Variants in PLCG2 observed in about 807,000 individuals in gnomAD.
PLCG2 encodes the protein 1-phosphatidylinositol 4,5-bisphosphate phosphodiesterase gamma-2.
A neutral mutation model predicts 175.6 loss-of-function variants in PLCG2; 69 were observed. That is an observed-to-expected ratio of 0.39 (90% CI 0.32 to 0.48). PLCG2 has a LOEUF of 0.48. Among genes scored for constraint, PLCG2 ranks in the 20% least tolerant of loss-of-function variants. The probability of loss-of-function intolerance (pLI) is 0.91; values close to 1 mark genes in which losing one functional copy is unlikely to be tolerated. For missense variants in PLCG2, 1,798 were observed against 1,650.9 expected (o/e 1.09, Z -1.54); for synonymous variants, 827 against 624.0 (o/e 1.33, Z -4.85).
intron 2 of PLCG2, among the ~76,000 whole-genome samples, chr16:81,849,499 G>A (rs1029111703): frequency 3.3e-5 from 5 of 152,126 alleles, no homozygotes; most frequent in Admixed American, 2.0e-4. Context: ...TAGCTTATGC[G>A]TGTAATCTCT....
chr16:81,897,763 T>G (rs1449548194), intron 13 of PLCG2: 2 of 448,122 alleles, frequency 4.5e-6, no homozygotes, highest in Non-Finnish European at 9.0e-6. Context: ...CAGGTTGGTC[T>G]TGAACTCATG....
chr16:81,860,130 C>T (rs527942916), intron 5 of PLCG2, among the ~76,000 whole-genome samples: 1 of 141,854 alleles, frequency 7.0e-6, no homozygotes, highest in South Asian at 2.3e-4. Flanking sequence ...TTTCACCATG[C>T]CTGGCTTATT....
At chr16:81,940,378 C>G (rs939953745) in intron 30 of PLCG2, among the ~76,000 whole-genome samples, 28 of 152,216 alleles carry the variant, frequency 1.8e-4, no homozygotes, top group African/African-American at 5.5e-4. Flanking sequence ...CTAGCTAGGG[C>G]TAAGTCTGGT....
chr16:81,760,960 G>A (rs1341196566), intron 2 of PLCG2, among the ~76,000 whole-genome samples: 1 of 152,092 alleles, frequency 6.6e-6, no homozygotes, highest in Non-Finnish European at 1.5e-5. Flanking sequence ...CTAGAATGCA[G>A]TGGCGTGATC....
In PLCG2 at chr16:81,925,724, C is replaced by A. The variant is rs539967873; in HGVS notation, c.2418-1358C>A. ...CCAACCTGGTAAAACCCTGTCTCTA[C>A]TAAAAATACAAAAATTAGCCAGGCA... On this transcript the variant is annotated intron_variant, in intron 22 of 32. Transcript: ENST00000564138. Among the ~76,000 whole-genome samples the A allele has an allele frequency of 2.0e-5, 3 of 152,154 alleles. 1 individual carries two copies. Among genetic ancestry groups the A allele is most frequent in the South Asian group, 4.1e-4 (2 of 4,822 alleles).
chr16:81,957,312 C>A (rs1911614948), intron 32 of PLCG2, among the ~76,000 whole-genome samples: 2 of 141,456 alleles, frequency 1.4e-5, no homozygotes, highest in South Asian at 4.2e-4. Flanking sequence ...AACAAACAAA[C>A]AAACAAACAA....
At chr16:81,819,877 C>T (rs1826105956) in intron 2 of PLCG2, among the ~76,000 whole-genome samples, 1 of 152,202 alleles carries the variant, frequency 6.6e-6, no homozygotes, top group African/African-American at 2.4e-5. Flanking sequence ...AGCCACTGTG[C>T]CTAGCCCTAG....
intron 5 of PLCG2, among the ~76,000 whole-genome samples, chr16:81,860,168 TATTA>T (rs1395149754): frequency 4.4e-4 from 42 of 96,388 alleles, no homozygotes; most frequent in Middle Eastern, 5.6e-3. Flanking sequence ...TTATTATTAT[TATTA>T]TTTTTTTTTT....
In PLCG2 at chr16:81,958,654, A is replaced by C. The variant is rs1911669805; in HGVS notation, c.*656A>C. The C allele has an allele frequency of 4.5e-6, 1 of 223,298 alleles. No homozygotes were observed. 13.8% of individuals were successfully genotyped at this position (223,298 alleles called of 1,614,324 possible). On this transcript the variant is annotated 3_prime_UTR_variant, in exon 33 of 33. Transcript: ENST00000564138. The stretch of plus-strand genomic sequence containing the variant: ...AGAGTTACTGGGATGGAGGGTAGGA[A>C]TCTTGGGGCCTCTTTGTTTTAAAAA...
At chr16:81,781,512 A>T (rs891239085) in intron 1 of PLCG2, among the ~76,000 whole-genome samples, 16 of 152,124 alleles carry the variant, frequency 1.1e-4, no homozygotes, top group African/African-American at 3.9e-4. Context: ...TACATGTACA[A>T]TTGCAGGATC....
Position 81,958,047 on chromosome 16 carries a change from T to C in PLCG2, c.*49T>C, listed in dbSNP as rs750947481. ...TATTGTGTGTGTGCGCATGTGTGTT[T>C]GCATGTAGGAGAACGTGCCCTATTC... On this transcript the variant is annotated 3_prime_UTR_variant, in exon 33 of 33. Transcript: ENST00000564138. 6 of 1,348,090 alleles carry C rather than the reference T, an allele frequency of 4.5e-6. No individual in the cohort carries two copies. Among genetic ancestry groups the C allele is most frequent in the South Asian group, 1.2e-5 (1 of 85,472 alleles). The allele number at this position is 1,348,090 out of a possible 1,614,324, so 83.5% of individuals were successfully genotyped here.
At chr16:81,879,173 G>A (rs1342206079) in intron 7 of PLCG2, among the ~76,000 whole-genome samples, 1 of 152,148 alleles carries the variant, frequency 6.6e-6, no homozygotes, top group Admixed American at 6.5e-5. Flanking sequence ...AGTGAGGGGG[G>A]CCACACACTG....
chr16:81,777,599 A>G (rs1268737580), upstream of PLCG2, among the ~76,000 whole-genome samples: 2 of 152,198 alleles, frequency 1.3e-5, no homozygotes, highest in Non-Finnish European at 2.9e-5. Context: ...GGTGATGAGC[A>G]CAGCTATACA....
intron 18 of PLCG2, among the ~76,000 whole-genome samples, chr16:81,912,382 G>C (rs992840324): frequency 6.6e-6 from 1 of 152,208 alleles, no homozygotes; most frequent in African/African-American, 2.4e-5. Flanking sequence ...ATTATTTTGG[G>C]CTTGAAACAG....
At chr16:81,918,280 A>G (rs1046284028) in intron 19 of PLCG2, among the ~76,000 whole-genome samples, 1 of 152,126 alleles carries the variant, frequency 6.6e-6, no homozygotes, top group Non-Finnish European at 1.5e-5. Flanking sequence ...GCCCAGACCA[A>G]TGCTACGGAG....
At chr16:81,899,670 G>T (rs531505627) in intron 13 of PLCG2, among the ~76,000 whole-genome samples, 19 of 152,238 alleles carry the variant, frequency 1.2e-4, no homozygotes, top group African/African-American at 4.3e-4. Context: ...CTGTTCAAAT[G>T]GCCCGAAGCA....
intron 31 of PLCG2, among the ~76,000 whole-genome samples, chr16:81,949,421 A>AT (rs1191181255): frequency 5.3e-5 from 8 of 152,352 alleles, no homozygotes; most frequent in Admixed American, 2.0e-4. Context: ...AATAAGTCTA[A>AT]TATCAGACTT....
At chr16:81,846,778 A>G (rs1906142129) in intron 2 of PLCG2, among the ~76,000 whole-genome samples, 1 of 152,226 alleles carries the variant, frequency 6.6e-6, no homozygotes, top group African/African-American at 2.4e-5. Context: ...TTCAATTCAC[A>G]TTCAATACAG....
chr16:81,815,798 C>T (rs1433477317), intron 2 of PLCG2, among the ~76,000 whole-genome samples: 5 of 152,192 alleles, frequency 3.3e-5, no homozygotes, highest in East Asian at 1.9e-4. Context: ...CAGTGGCTCA[C>T]GCCTGTAATC....
Sources: gnomAD v4.1 joint callset for allele counts (sites outside exome capture counted in the v4.1 genomes callset) on GRCh38, gnomAD v4.1.1 for gene constraint, MANE v1.5 for transcripts, NCBI Gene and HGNC (gene_info 2026-07-23, HGNC 2026-07-21) for gene names.